The following DRAXIN variants were observed in gnomAD, a reference collection of about 807,000 sequenced individuals.
The protein encoded by DRAXIN is dorsal repulsive axon guidance protein.
A neutral mutation model predicts 33.9 loss-of-function variants in DRAXIN; 27 were observed. The ratio of observed to expected loss-of-function variants is 0.80; its 90% CI spans 0.59 to 1.10. DRAXIN has a LOEUF of 1.10. Ranked by LOEUF, DRAXIN falls within the 50% of genes least tolerant of loss-of-function variation. The pLI, the probability that DRAXIN is intolerant of heterozygous loss-of-function variation, is 0.00. For missense variants in DRAXIN, 371 were observed against 460.8 expected (o/e 0.81, Z 1.78); for synonymous variants, 178 against 194.0 (o/e 0.92, Z 0.69).
rs950793697 is a variant in DRAXIN, at chr1:11,717,288, GA to G, written c.937+2089del. On this transcript the variant is annotated intron_variant, in intron 6 of 6. Coordinates refer to ENST00000294485, the MANE Select transcript of DRAXIN (RefSeq NM_198545.4). ...ACTGAGTGAGACTCTGTCTCAAAAA[GA>G]AAAAAAAAGTAAGTAATAAGGGCTA... Among the ~76,000 whole-genome samples the G allele has an allele frequency of 9.4e-5, 14 of 148,692 alleles. No homozygotes were observed. The East Asian group carries it at 9.9e-4, about 11-fold the overall frequency.
rs1186184875 is a variant in DRAXIN at position 11,709,441 on chromosome 1, G to T, written c.618G>T (p.Leu206=). 1 of 1,613,652 alleles carries T rather than the reference G, an allele frequency of 6.2e-7. No individual in the cohort carries two copies. Among genetic ancestry groups the T allele is most frequent in the African/African-American group, 1.3e-5 (1 of 75,014 alleles). The change falls in exon 3 of 7, where the codon CTG becomes CTT. Residue 206 remains leucine, a synonymous_variant. Transcript: ENST00000294485. Reference sequence around the variant, plus strand: ...CTGCCACAGAAGAGTCCCTGATCCTGCCCGTCACCTCCCTGCGGCCCCAGG... The same window carrying T: ...CTGCCACAGAAGAGTCCCTGATCCTTCCCGTCACCTCCCTGCGGCCCCAGG... ...AAPATEESLI[L]PVTSLRPQQA...
intron 6 of DRAXIN, among the ~76,000 whole-genome samples, chr1:11,715,910 C>T (rs1641570251): frequency 6.6e-6 from 1 of 152,212 alleles, no homozygotes; most frequent in Non-Finnish European, 1.5e-5. Context: ...TACTCTGTCA[C>T]CCAGGCTGGA....
Position 11,719,659 on chromosome 1 carries a change from C to T in DRAXIN, c.1013C>T (p.Thr338Met). 2.5e-6 allele frequency: 4 copies of T among 1,614,086 alleles called. No homozygotes were observed. The highest frequency in any genetic ancestry group is 1.7e-5 in the Admixed American group (1 of 60,016). ...AAAGGGCGCTGTGTGGAGCCCGAGA[C>T]GGCCAACGGCGACCAGGGATCCTTC... ...RRKGRCVEPE[T>M]ANGDQGSFIN... Residue 338 changes from threonine to methionine, a missense_variant, in exon 7 of 7, where the codon ACG becomes ATG. By Grantham distance (81) the Thr-to-Met change is moderately conservative. Coordinates refer to ENST00000294485, the MANE Select transcript of DRAXIN (RefSeq NM_198545.4).
At chr1:11,712,261 A>C (rs1038021354) in intron 4 of DRAXIN, 79 bp from the exon 5 acceptor site, 6 of 1,514,058 alleles carry the variant, frequency 4.0e-6, no homozygotes, top group Non-Finnish European at 3.7e-6. Context: ...TGGTATGGGC[A>C]CTCCAACATC....
At chr1:11,710,678 G>T (rs1468382972) in intron 3 of DRAXIN, among the ~76,000 whole-genome samples, 1 of 149,272 alleles carries the variant, frequency 6.7e-6, no homozygotes, top group African/African-American at 2.5e-5. Context: ...ACTTTGGGAG[G>T]CCAAGGCGGG....
Position 11,694,968 on chromosome 1 carries a change from C to T in DRAXIN, c.-11+3115C>T, listed in dbSNP as rs568028112. 6.6e-6 allele frequency among the ~76,000 whole-genome samples: 1 copy of T among 152,180 alleles called. No homozygotes were observed. The highest frequency in any genetic ancestry group is 1.5e-5 in the Non-Finnish European group (1 of 68,028). ...ATGAGGGATGAGGCTCCTGCTAGAA[C>T]CCAGAGCAACTGGAAGGAGCTCATT... On this transcript the variant is annotated intron_variant, in intron 1 of 6. Transcript: ENST00000294485. The surrounding 1 kb of genome is among the most constrained non-coding windows in gnomAD (Gnocchi z 4.9).
In DRAXIN at chr1:11,692,628, C is replaced by A. The variant is rs1312583176; in HGVS notation, c.-11+775C>A. On this transcript the variant is annotated intron_variant, in intron 1 of 6. Coordinates refer to ENST00000294485, the MANE Select transcript of DRAXIN (RefSeq NM_198545.4). The surrounding 1 kb of genome is among the most constrained non-coding windows in gnomAD (Gnocchi z 5.8). ...GATGAGAGAGGGCTGGGGTTTCCCGCCAAGTCTTTCTTGCTTTCCTCAGCT... is the reference window on the plus strand; with the variant it reads ...GATGAGAGAGGGCTGGGGTTTCCCGACAAGTCTTTCTTGCTTTCCTCAGCT... Among the ~76,000 whole-genome samples, 1 of 152,198 alleles carries A rather than the reference C, an allele frequency of 6.6e-6. No individual in the cohort carries two copies. The highest frequency in any genetic ancestry group is 1.5e-5 in the Non-Finnish European group (1 of 68,032).
At chr1:11,702,193 TAC>T (rs1641300754) in intron 1 of DRAXIN, among the ~76,000 whole-genome samples, 2 of 143,892 alleles carry the variant, frequency 1.4e-5, no homozygotes, top group Admixed American at 7.0e-5. Context: ...TGCTCACACA[TAC>T]ACACATGCTC....
intron 1 of DRAXIN, among the ~76,000 whole-genome samples, chr1:11,699,913 C>T (rs1023374462): frequency 1.3e-5 from 2 of 149,242 alleles, no homozygotes; most frequent in African/African-American, 2.5e-5. Flanking sequence ...GGTGACACAG[C>T]GAGACTCACT....
In DRAXIN at chr1:11,720,612, A is replaced by AC. The variant is rs1641647462; in HGVS notation, c.*916_*917insC. On this transcript the variant is annotated 3_prime_UTR_variant, in exon 7 of 7. Coordinates refer to ENST00000294485, the MANE Select transcript of DRAXIN (RefSeq NM_198545.4). Reference sequence around the variant, plus strand: ...CCATCTCAAAAAAAAAAAAAAAAAAAAGCACATCTGACTCAGTGGGCTCTG... The same window carrying AC: ...CCATCTCAAAAAAAAAAAAAAAAAAACAGCACATCTGACTCAGTGGGCTCTG... 6.6e-6 allele frequency: 1 copy of AC among 151,766 alleles called. No homozygotes were observed. The highest frequency in any genetic ancestry group is 1.4e-5 in the Non-Finnish European group (1 of 69,136). 9.4% of individuals were successfully genotyped at this position (151,766 alleles called of 1,614,324 possible).
intron 1 of DRAXIN, among the ~76,000 whole-genome samples, chr1:11,702,373 C>A (rs1641305638): frequency 6.7e-6 from 1 of 149,360 alleles, no homozygotes; most frequent in Admixed American, 6.7e-5. Context: ...ACCTACACAC[C>A]CACACATTCA....
At chr1:11,691,233 C>T (rs1641058563), upstream of DRAXIN, among the ~76,000 whole-genome samples, 1 of 152,082 alleles carries the variant, frequency 6.6e-6, no homozygotes, top group Non-Finnish European at 1.5e-5. Context: ...GGGCCCCTGC[C>T]CTGACAGACG....
chr1:11,715,559 C>T (rs1641563378), intron 6 of DRAXIN, among the ~76,000 whole-genome samples: 1 of 151,798 alleles, frequency 6.6e-6, no homozygotes, highest in African/African-American at 2.4e-5. Flanking sequence ...TAGATCCAGC[C>T]TCAGAAGGCT....
Position 11,699,465 on chromosome 1 carries a change from T to A in DRAXIN, c.-10-6784T>A, listed in dbSNP as rs116582451. 4.4e-3 allele frequency among the ~76,000 whole-genome samples: 670 copies of A among 152,262 alleles called. 7 individuals are homozygous for A. Among genetic ancestry groups the A allele is most frequent in the African/African-American group, 0.015 (640 of 41,524 alleles). ...TGTGCGACCACTGCTTTGCCCCAGTTTATAATAATTACTTATTTTAATTTT... is the reference window on the plus strand; with the variant it reads ...TGTGCGACCACTGCTTTGCCCCAGTATATAATAATTACTTATTTTAATTTT... On this transcript the variant is annotated intron_variant, in intron 1 of 6. Transcript: ENST00000294485.
chr1:11,716,410 A>C (rs1038121211), intron 6 of DRAXIN, among the ~76,000 whole-genome samples: 5 of 152,242 alleles, frequency 3.3e-5, no homozygotes, highest in African/African-American at 1.2e-4. Flanking sequence ...TTTTAAAAAC[A>C]AAATGCCAAA....
At chr1:11,718,017 A>AAAAT (rs1557694214) in intron 6 of DRAXIN, among the ~76,000 whole-genome samples, 1 of 139,868 alleles carries the variant, frequency 7.1e-6, no homozygotes, top group African/African-American at 2.6e-5. Flanking sequence ...AAAAAAAAAA[A>AAAAT]GGGAGGCCCG....
chr1:11,709,175 T>C (rs2100739001), intron 2 of DRAXIN, 100 bp from the exon 3 acceptor site: 1 of 1,276,966 alleles, frequency 7.8e-7, no homozygotes, highest in East Asian at 2.6e-5. Context: ...ACACAGTGCC[T>C]GCTGCCTCCT....
intron 2 of DRAXIN, among the ~76,000 whole-genome samples, chr1:11,707,347 G>C (rs1000633058): frequency 6.6e-6 from 1 of 152,164 alleles, no homozygotes; most frequent in Non-Finnish European, 1.5e-5. Flanking sequence ...TTTCTTACTC[G>C]ACTCTGACGC....
rs377562799 is a variant in DRAXIN, at chr1:11,712,532, C to T, written c.847+103C>T. The T allele has an allele frequency of 4.8e-5, 53 of 1,109,888 alleles. 3 individuals are homozygous for T. The highest frequency in any genetic ancestry group is 4.0e-4 in the South Asian group (31 of 78,252). 68.8% of individuals were successfully genotyped at this position (1,109,888 alleles called of 1,614,324 possible). A position where few individuals can be genotyped will look rare whatever the true frequency, so the allele number is the denominator to read the frequency against. ...TGTGCAGGACCTGAGAATCCTTGAC[C>T]CTTCATGGATGATAAATAATAACAA... is the stretch of plus-strand genomic sequence containing the variant. On this transcript the variant is annotated intron_variant, in intron 5 of 6. Transcript: ENST00000294485.
Sources: gnomAD v4.1 joint callset for allele counts (sites outside exome capture counted in the v4.1 genomes callset) on GRCh38, gnomAD v4.1.1 for gene constraint, Gnocchi (gnomAD v3.1) non-coding constraint, MANE v1.5 for transcripts, NCBI Gene and HGNC (gene_info 2026-07-23, HGNC 2026-07-21) for gene names.